The following RANBP2 variants were observed in gnomAD, a reference collection of about 807,000 sequenced individuals.
The protein encoded by RANBP2 is E3 SUMO-protein ligase RanBP2.
RANBP2 carries 57 observed loss-of-function variants against 303.6 expected under a neutral mutation model. The observed-to-expected ratio is 0.19, with a 90% CI of 0.15 to 0.23. RANBP2 has a LOEUF of 0.23. RANBP2 is among the 10% of genes least tolerant of loss of function. The pLI, the probability that RANBP2 is intolerant of heterozygous loss-of-function variation, is 1.00. For missense variants in RANBP2, 3,138 were observed against 3,780.8 expected (o/e 0.83, Z 4.46); for synonymous variants, 1,167 against 1,301.5 (o/e 0.90, Z 2.23).
chr2:109,163,769 T>C, the RANBP2 span, among the ~76,000 whole-genome samples: 2 of 152,152 alleles, frequency 1.3e-5, no homozygotes, highest in African/African-American at 4.8e-5. Context: ...CTGTGTGCAG[T>C]CGGCAGCTCA....
chr2:109,547,989 C>G, the RANBP2 span, among the ~76,000 whole-genome samples: 6 of 152,196 alleles, frequency 3.9e-5, 1 homozygote, highest in African/African-American at 1.4e-4. Context: ...TACTTAGGAG[C>G]TATGTCTTTT....
chr2:109,606,937 C>T, the RANBP2 span, among the ~76,000 whole-genome samples: 1 of 152,070 alleles, frequency 6.6e-6, no homozygotes, highest in African/African-American at 2.4e-5. Flanking sequence ...CAGGCATGAG[C>T]CACCACGCCC....
chr2:109,062,211 T>C, the RANBP2 span, among the ~76,000 whole-genome samples: 1 of 152,348 alleles, frequency 6.6e-6, no homozygotes, highest in South Asian at 2.1e-4. Flanking sequence ...CACCCCTGAC[T>C]TCCCTCCTCT....
chr2:109,071,752 C>T, the RANBP2 span, among the ~76,000 whole-genome samples: 1 of 151,380 alleles, frequency 6.6e-6, no homozygotes, highest in Non-Finnish European at 1.5e-5. Flanking sequence ...GAGGGCAGGA[C>T]CAGAAATGAA....
intron 7 of RANBP2, among the ~76,000 whole-genome samples, chr2:108,744,970 G>A (rs1179881563): frequency 6.6e-6 from 1 of 152,036 alleles, no homozygotes; most frequent in Non-Finnish European, 1.5e-5. Context: ...TCCATTAACT[G>A]TATCTTGGAG....
intron 4 of RANBP2, among the ~76,000 whole-genome samples, chr2:108,732,625 C>G (rs1695254778): frequency 6.6e-6 from 1 of 151,844 alleles, no homozygotes; most frequent in African/African-American, 2.4e-5. Context: ...CGTGTAGATT[C>G]ATACCACCAC....
At chr2:109,387,424 T>C in the RANBP2 span, among the ~76,000 whole-genome samples, 12 of 152,138 alleles carry the variant, frequency 7.9e-5, no homozygotes, top group African/African-American at 2.9e-4. Flanking sequence ...CCCCACCTTA[T>C]TTCTGCCCAT....
chr2:109,636,799 G>T, the RANBP2 span, among the ~76,000 whole-genome samples: 1 of 152,204 alleles, frequency 6.6e-6, no homozygotes, highest in Non-Finnish European at 1.5e-5. Context: ...TTAGCCAGGC[G>T]TGTTGGTGGG....
At chr2:108,822,723 G>T in the RANBP2 span, among the ~76,000 whole-genome samples, 1 of 152,108 alleles carries the variant, frequency 6.6e-6, no homozygotes, top group African/African-American at 2.4e-5. Flanking sequence ...GAAATCCCAA[G>T]GAAAATTGGC....
chr2:108,920,245 G>A, the RANBP2 span, among the ~76,000 whole-genome samples: 566 of 152,312 alleles, frequency 3.7e-3, 2 homozygotes, highest in Middle Eastern at 6.8e-3. Context: ...CATCGCCCAC[G>A]TCATCACATC....
the RANBP2 span, among the ~76,000 whole-genome samples, chr2:109,480,065 G>GGACCC: frequency 6.6e-6 from 1 of 152,202 alleles, no homozygotes; most frequent in Non-Finnish European, 1.5e-5. Context: ...CTAGAGGAAA[G>GGACCC]GACCCCATCC....
chr2:108,977,370 G>A, the RANBP2 span, among the ~76,000 whole-genome samples: 10 of 152,298 alleles, frequency 6.6e-5, no homozygotes, highest in South Asian at 2.1e-4. Context: ...CCGGGTTCAC[G>A]CCATTCTCCT....
chr2:109,011,330 G>A, the RANBP2 span, among the ~76,000 whole-genome samples: 2 of 152,158 alleles, frequency 1.3e-5, no homozygotes, highest in South Asian at 4.1e-4. Context: ...TTTATTCATA[G>A]TTTGGATGGG....
chr2:108,736,161 A>G lies in RANBP2; in HGVS notation c.694A>G (p.Asn232Asp), dbSNP rs374135462. ...TGATAAAAGTGACTGGCGAGCAACC[A>G]ATACAGACTTACTGCTGGCCTATGC... Reference protein sequence around the residue: ...ESDKSDWRATNTDLLLAYANL... With the variant: ...ESDKSDWRATDTDLLLAYANL... Residue 232 changes from asparagine to aspartate, a missense_variant, in exon 6 of 29, where the codon AAT becomes GAT. Asn to Asp is a conservative substitution (Grantham distance 23). Transcript: ENST00000283195. 6.6e-5 allele frequency: 107 copies of G among 1,611,954 alleles called. No homozygotes were observed. The highest frequency in any genetic ancestry group is 8.0e-5 in the Non-Finnish European group (94 of 1,179,826).
intron 7 of RANBP2, among the ~76,000 whole-genome samples, chr2:108,742,253 C>G (rs1344361720): frequency 6.6e-6 from 1 of 152,122 alleles, no homozygotes; most frequent in African/African-American, 2.4e-5. Context: ...GCCTCAGCCT[C>G]TCCAAGTGCT....
chr2:108,964,227 T>A, the RANBP2 span, among the ~76,000 whole-genome samples: 1 of 152,204 alleles, frequency 6.6e-6, no homozygotes, highest in Non-Finnish European at 1.5e-5. Context: ...GCACGTTTTT[T>A]ATTTACTCCT....
chr2:109,012,484 C>A, the RANBP2 span, among the ~76,000 whole-genome samples: 1 of 145,284 alleles, frequency 6.9e-6, no homozygotes, highest in Non-Finnish European at 1.5e-5. Flanking sequence ...GCAGAAGGAA[C>A]GGCGGAGAGG....
chr2:109,452,918 AGGAGGCTGGTCCCGGGAGGCTGGTGCCG>A, the RANBP2 span, among the ~76,000 whole-genome samples: 8 of 134,280 alleles, frequency 6.0e-5, no homozygotes, highest in African/African-American at 2.0e-4. Context: ...GGCTGGTGCC[AGGAGGCTGGTCCCGGGAGGCTGGTGCCG>A]GGAGGCTGGT....
chr2:108,952,186 G>A, the RANBP2 span, among the ~76,000 whole-genome samples: 46 of 152,194 alleles, frequency 3.0e-4, no homozygotes, highest in Non-Finnish European at 4.3e-4. Flanking sequence ...AGAATTTCAG[G>A]TATGAGCACC....
Sources: gnomAD v4.1 joint callset for allele counts (sites outside exome capture counted in the v4.1 genomes callset) on GRCh38, gnomAD v4.1.1 for gene constraint, MANE v1.5 for transcripts, NCBI Gene and HGNC (gene_info 2026-07-23, HGNC 2026-07-21) for gene names.